Variants in ILRUN observed in about 807,000 individuals in gnomAD.
ILRUN encodes protein ILRUN.
In ILRUN, 3 loss-of-function variants were observed where a neutral mutation model predicts 33.8. The observed-to-expected ratio is 0.09, with a 90% CI of 0.04 to 0.23. The LOEUF (loss-of-function observed/expected upper bound fraction) is 0.23, where lower values mean the gene tolerates loss of function less well. ILRUN is among the 10% of genes least tolerant of loss of function. The pLI is 1.00. For synonymous variants in ILRUN, 124 were observed against 138.9 expected (o/e 0.89, Z 0.75); for missense variants, 210 against 375.1 (o/e 0.56, Z 3.64).
chr6:34,654,823 A>G (rs750997027), intron 1 of ILRUN, 44 bp from the exon 2 acceptor site: 14 of 1,534,928 alleles, frequency 9.1e-6, no homozygotes, highest in Non-Finnish European at 8.8e-6. Context: ...TACTGTCCAG[A>G]TATTATCCTA....
intron 3 of ILRUN, among the ~76,000 whole-genome samples, chr6:34,625,015 G>C (rs927603821): frequency 1.1e-4 from 16 of 152,256 alleles, no homozygotes; most frequent in African/African-American, 3.6e-4. Flanking sequence ...AGCTGGACCA[G>C]TGCAAGAACC....
At chr6:34,604,779 T>C (rs979549622) in intron 4 of ILRUN, among the ~76,000 whole-genome samples, 1 of 152,246 alleles carries the variant, frequency 6.6e-6, no homozygotes, top group African/African-American at 2.4e-5. Flanking sequence ...TTCTATCCTA[T>C]ACAATTAACA....
At chr6:34,621,689 C>T (rs1396562516) in intron 3 of ILRUN, among the ~76,000 whole-genome samples, 2 of 151,936 alleles carry the variant, frequency 1.3e-5, no homozygotes, top group Admixed American at 6.6e-5. Context: ...GTGAAACCCC[C>T]GTCTCTACTA....
At chr6:34,643,993 C>T (rs1455412735) in intron 3 of ILRUN, among the ~76,000 whole-genome samples, 1 of 152,206 alleles carries the variant, frequency 6.6e-6, no homozygotes, top group East Asian at 1.9e-4. Flanking sequence ...TGAACCACTG[C>T]ACCCGGCCTT....
At chr6:34,603,721 C>T (rs1284417528) in intron 4 of ILRUN, among the ~76,000 whole-genome samples, 10 of 152,198 alleles carry the variant, frequency 6.6e-5, no homozygotes, top group Admixed American at 5.2e-4. Context: ...CAAATTCATA[C>T]TTCATTTTGA....
rs62398731 is a variant in ILRUN, at chr6:34,603,666, C to A, written c.861+2889G>T. Among the ~76,000 whole-genome samples the A allele has an allele frequency of 4.4e-3, 673 of 152,198 alleles. 3 individuals are homozygous for A. The highest frequency in any genetic ancestry group is 9.1e-3 in the South Asian group (44 of 4,818). On this transcript the variant is annotated intron_variant, in intron 4 of 4. Coordinates refer to ENST00000374023, the MANE Select transcript of ILRUN (RefSeq NM_024294.4). ...CAATACATACACACAAACACAAAAC[C>A]CAAAACACAAATTATATATTAGGAC...
chr6:34,683,431 TATATATATACATATATATATAC>T, intron 1 of ILRUN, among the ~76,000 whole-genome samples: 2 of 46,398 alleles, frequency 4.3e-5, no homozygotes, highest in Non-Finnish European at 7.2e-5. Flanking sequence ...TATATATACA[TATATATATACATATATATATAC>T]ATATATATAC....
At chr6:34,640,041 G>T (rs1238954766) in intron 3 of ILRUN, among the ~76,000 whole-genome samples, 1 of 152,000 alleles carries the variant, frequency 6.6e-6, no homozygotes, top group African/African-American at 2.4e-5. Flanking sequence ...GTGGGAAGGG[G>T]TATCAAAATC....
intron 1 of ILRUN, among the ~76,000 whole-genome samples, chr6:34,690,929 G>C (rs1343273414): frequency 6.6e-6 from 1 of 152,190 alleles, no homozygotes. Flanking sequence ...GAATAAACTA[G>C]GCTGGAGTGC....
At chr6:34,620,533 T>A (rs1190569581) in intron 3 of ILRUN, among the ~76,000 whole-genome samples, 2 of 152,214 alleles carry the variant, frequency 1.3e-5, no homozygotes, top group African/African-American at 4.8e-5. Flanking sequence ...ACATTTAATA[T>A]TGCTAATTTA....
At chr6:34,624,691 T>C (rs535865418) in intron 3 of ILRUN, among the ~76,000 whole-genome samples, 3 of 152,312 alleles carry the variant, frequency 2.0e-5, no homozygotes, top group South Asian at 4.1e-4. Context: ...ATTCCTCTGG[T>C]ACATCTTCCA....
rs1440609662 is a variant in ILRUN at position 34,683,461 on chromosome 6, T to TATAC, written c.158+12984_158+12985insGTAT. ...ATATACATATATATATACATATATA[T>TATAC]ACATATATATACACATATATATATA... On this transcript the variant is annotated intron_variant, in intron 1 of 4. Coordinates refer to ENST00000374023, the MANE Select transcript of ILRUN (RefSeq NM_024294.4). Among the ~76,000 whole-genome samples the TATAC allele has an allele frequency of 1.3e-4, 15 of 114,514 alleles. 1 individual carries two copies. The highest frequency in any genetic ancestry group is 5.7e-4 in the African/African-American group (13 of 22,970). 75.1% of individuals were successfully genotyped at this position (114,514 alleles called of 152,430 possible).
At chr6:34,648,900 A>G (rs1291983833) in intron 2 of ILRUN, among the ~76,000 whole-genome samples, 2 of 152,234 alleles carry the variant, frequency 1.3e-5, no homozygotes, top group African/African-American at 4.8e-5. Flanking sequence ...CCAAGACTGC[A>G]TGTGAAAAAG....
At chr6:34,625,390 A>G (rs1762101171) in intron 3 of ILRUN, among the ~76,000 whole-genome samples, 1 of 152,212 alleles carries the variant, frequency 6.6e-6, no homozygotes, top group Non-Finnish European at 1.5e-5. Flanking sequence ...TCATAGGGGT[A>G]CTTAGAACTC....
chr6:34,614,685 C>T lies in ILRUN; in HGVS notation c.512-7781G>A, dbSNP rs1441438750. On this transcript the variant is annotated intron_variant, in intron 3 of 4. Transcript: ENST00000374023. The stretch of plus-strand genomic sequence containing the variant: ...GAGAGTGGGCTAGCCTTGTGATTCG[C>T]TTCCAAAAAATTGTATAGGGAGAAG... Among the ~76,000 whole-genome samples, 5 of 151,552 alleles carry T rather than the reference C, an allele frequency of 3.3e-5. No homozygotes were observed. The East Asian group carries it at 9.7e-4, about 29-fold the overall frequency.
intron 1 of ILRUN, among the ~76,000 whole-genome samples, chr6:34,664,493 T>A (rs1297759891): frequency 1.3e-5 from 2 of 152,192 alleles, no homozygotes; most frequent in African/African-American, 4.8e-5. Context: ...GTTTTTTTGC[T>A]GAGTCATTTC....
chr6:34,612,996 T>C (rs1441897008), intron 3 of ILRUN, among the ~76,000 whole-genome samples: 1 of 151,662 alleles, frequency 6.6e-6, no homozygotes, highest in Non-Finnish European at 1.5e-5. Flanking sequence ...TGAGCCGAGA[T>C]TGCGCCACTG....
At chr6:34,613,119 G>A (rs1258393838) in intron 3 of ILRUN, among the ~76,000 whole-genome samples, 1 of 151,972 alleles carries the variant, frequency 6.6e-6, no homozygotes, top group Non-Finnish European at 1.5e-5. Flanking sequence ...GCTGAGGCAT[G>A]AGAATCACTG....
chr6:34,688,728 G>A (rs1413997386), intron 1 of ILRUN, among the ~76,000 whole-genome samples: 4 of 152,028 alleles, frequency 2.6e-5, no homozygotes, highest in Non-Finnish European at 5.9e-5. Flanking sequence ...TAGGAGAATC[G>A]CTTGAATCCA....
Sources: gnomAD v4.1 joint callset for allele counts (sites outside exome capture counted in the v4.1 genomes callset) on GRCh38, gnomAD v4.1.1 for gene constraint, MANE v1.5 for transcripts, NCBI Gene and HGNC (gene_info 2026-07-23, HGNC 2026-07-21) for gene names.